The following CARMIL1 variants were observed in gnomAD, a reference collection of about 807,000 sequenced individuals.
CARMIL1 encodes capping protein regulator and myosin 1 linker 1, also known as F-actin-uncapping protein LRRC16A.
CARMIL1 carries 90 observed loss-of-function variants against 177.1 expected under a neutral mutation model. The observed-to-expected ratio is 0.51, with a 90% CI of 0.43 to 0.61. The LOEUF is 0.61. Among genes scored for constraint, CARMIL1 ranks in the 20% least tolerant of loss-of-function variants. CARMIL1 has a pLI of 0.00. For synonymous variants in CARMIL1, 577 were observed against 606.2 expected (o/e 0.95, Z 0.71); for missense variants, 1,380 against 1,667.0 (o/e 0.83, Z 3.00).
chr6:25,477,435 C>T (rs1444068694), intron 11 of CARMIL1, among the ~76,000 whole-genome samples: 2 of 152,142 alleles, frequency 1.3e-5, no homozygotes, highest in East Asian at 3.9e-4. Flanking sequence ...CTCCTGCTCT[C>T]TTTCTGCAAG....
At chr6:25,436,977 C>A in intron 5 of CARMIL1, among the ~76,000 whole-genome samples, 1 of 152,056 alleles carries the variant, frequency 6.6e-6, no homozygotes, top group East Asian at 1.9e-4. Flanking sequence ...GTGTGGGCAG[C>A]AGTGGGTGGT....
At chr6:25,499,606 C>T (rs1804105810) in intron 16 of CARMIL1, among the ~76,000 whole-genome samples, 2 of 152,152 alleles carry the variant, frequency 1.3e-5, no homozygotes, top group Non-Finnish European at 2.9e-5. Flanking sequence ...AGGCAGGATC[C>T]TGGACTCCAA....
intron 27 of CARMIL1, among the ~76,000 whole-genome samples, chr6:25,553,671 T>G (rs1180274883): frequency 6.6e-6 from 1 of 152,204 alleles, no homozygotes; most frequent in Non-Finnish European, 1.5e-5. Context: ...TTGTTTTCCT[T>G]TATGTCAATG....
chr6:25,456,281 A>G (rs1414456250), intron 8 of CARMIL1, among the ~76,000 whole-genome samples: 1 of 152,148 alleles, frequency 6.6e-6, no homozygotes, highest in Non-Finnish European at 1.5e-5. Flanking sequence ...AGCAATTTGA[A>G]TGTTGTGATA....
chr6:25,562,361 C>T (rs1289165655), intron 29 of CARMIL1, among the ~76,000 whole-genome samples: 1 of 152,032 alleles, frequency 6.6e-6, no homozygotes, highest in Non-Finnish European at 1.5e-5. Context: ...AATTGTCCTG[C>T]CTCAGCCTCC....
At chr6:25,557,256 C>A (rs1252740761) in intron 29 of CARMIL1, among the ~76,000 whole-genome samples, 2 of 152,036 alleles carry the variant, frequency 1.3e-5, no homozygotes, top group Admixed American at 1.3e-4. Context: ...TTTGACAAAC[C>A]CTTAAATTTG....
At chr6:25,609,984 C>T (rs1413891122) in intron 35 of CARMIL1, 66 bp from the exon 36 acceptor site, 13 of 1,440,788 alleles carry the variant, frequency 9.0e-6, no homozygotes, top group Non-Finnish European at 1.1e-5. Flanking sequence ...TATAGATTTA[C>T]CAGGCTTTAT....
In CARMIL1 at chr6:25,577,168, G is replaced by C; in HGVS notation, c.2743-3756G>C. 1 of 971,686 alleles carries C rather than the reference G, an allele frequency of 1.0e-6. No individual in the cohort carries two copies. The highest frequency in any genetic ancestry group is 1.2e-6 in the Non-Finnish European group (1 of 817,476). The allele number at this position is 971,686 out of a possible 1,614,324, so 60.2% of individuals were successfully genotyped here. ...GAGACAAGATTGGATTTTGCAAGAT[G>C]GTTCAGCTAGCAAAACAGGCGATGA... On this transcript the variant is annotated intron_variant, in intron 29 of 36. Transcript: ENST00000329474. The surrounding 1 kb of genome is among the most constrained non-coding windows in gnomAD (Gnocchi z 4.5).
intron 2 of CARMIL1, among the ~76,000 whole-genome samples, chr6:25,296,980 G>A (rs1016717110): frequency 6.6e-6 from 1 of 150,928 alleles, no homozygotes; most frequent in Non-Finnish European, 1.5e-5. Flanking sequence ...ATTTTAAAAC[G>A]TGGCATCTCG....
intron 2 of CARMIL1, among the ~76,000 whole-genome samples, chr6:25,301,358 G>A (rs1412798223): frequency 6.6e-6 from 1 of 152,188 alleles, no homozygotes; most frequent in Non-Finnish European, 1.5e-5. Flanking sequence ...GGCTGCTTTG[G>A]AAAGGGTGAC....
intron 23 of CARMIL1, among the ~76,000 whole-genome samples, chr6:25,525,894 A>G (rs111726943): frequency 0.021 from 3,136 of 152,274 alleles, 80 homozygotes; most frequent in African/African-American, 0.062. Context: ...AGCAAAAAAG[A>G]AAGATAAAAG....
intron 2 of CARMIL1, among the ~76,000 whole-genome samples, chr6:25,356,543 A>G (rs1788636024): frequency 6.6e-6 from 1 of 152,250 alleles, no homozygotes; most frequent in Non-Finnish European, 1.5e-5. Flanking sequence ...CTCACCAAGT[A>G]ACTCAGCTGA....
At chr6:25,411,312 T>C (rs1029099705) in intron 2 of CARMIL1, among the ~76,000 whole-genome samples, 9 of 152,176 alleles carry the variant, frequency 5.9e-5, no homozygotes, top group African/African-American at 1.9e-4. Flanking sequence ...TGGAGCTGGA[T>C]ACTTCACTCA....
intron 2 of CARMIL1, among the ~76,000 whole-genome samples, chr6:25,306,854 CCA>C (rs2150190539): frequency 1.3e-5 from 2 of 149,948 alleles, no homozygotes; most frequent in East Asian, 3.9e-4. Context: ...CTGTGTTTAA[CCA>C]CCTGTTTCCT....
At chr6:25,286,083 G>T (rs975878259) in intron 2 of CARMIL1, among the ~76,000 whole-genome samples, 1 of 152,172 alleles carries the variant, frequency 6.6e-6, no homozygotes, top group African/African-American at 2.4e-5. Context: ...GTATTCCCGA[G>T]GCTGGTCTCA....
intron 5 of CARMIL1, among the ~76,000 whole-genome samples, chr6:25,447,737 C>T (rs956417066): frequency 6.6e-6 from 1 of 152,036 alleles, no homozygotes; most frequent in East Asian, 1.9e-4. Flanking sequence ...CCTCTGACTA[C>T]AGCCTTTCAC....
chr6:25,479,095 T>A (rs779374718), intron 11 of CARMIL1: 1 of 518,954 alleles, frequency 1.9e-6, no homozygotes, highest in South Asian at 1.4e-5. Flanking sequence ...AAGAGGCCTT[T>A]TGTTTCTCCC....
intron 2 of CARMIL1, among the ~76,000 whole-genome samples, chr6:25,392,153 C>G (rs140484060): frequency 1.8e-3 from 278 of 150,472 alleles, no homozygotes; most frequent in African/African-American, 6.5e-3. Context: ...ACATTGCTAA[C>G]CTGGTATATA....
At chr6:25,412,157 G>A (rs1238831987) in intron 2 of CARMIL1, among the ~76,000 whole-genome samples, 1 of 152,204 alleles carries the variant, frequency 6.6e-6, no homozygotes, top group Non-Finnish European at 1.5e-5. Flanking sequence ...ATATTAAAAT[G>A]TAAATAACAG....
Sources: gnomAD v4.1 joint callset for allele counts (sites outside exome capture counted in the v4.1 genomes callset) on GRCh38, gnomAD v4.1.1 for gene constraint, Gnocchi (gnomAD v3.1) non-coding constraint, MANE v1.5 for transcripts, NCBI Gene and HGNC (gene_info 2026-07-23, HGNC 2026-07-21) for gene names.